FBN2: variants seen among roughly 807,000 people sequenced by gnomAD.
The protein encoded by FBN2 is fibrillin-2.
FBN2 carries 105 observed loss-of-function variants against 355.6 expected under a neutral mutation model. The observed-to-expected ratio is 0.30, with a 90% CI of 0.25 to 0.35. The LOEUF (loss-of-function observed/expected upper bound fraction) is 0.35. Ranked by LOEUF, FBN2 falls within the 10% of genes least tolerant of loss-of-function variation. The probability of loss-of-function intolerance (pLI) is 1.00; values close to 1 mark genes in which losing one functional copy is unlikely to be tolerated. For synonymous variants in FBN2, 1,350 were observed against 1,301.2 expected, an observed-to-expected ratio of 1.04 and a Z score of -0.81; for missense variants, 3,280 against 3,758.7, an observed-to-expected ratio of 0.87 and a Z score of 3.33.
intron 5 of FBN2, among the ~76,000 whole-genome samples, chr5:128,485,182 C>T (rs1351468826): frequency 6.6e-6 from 1 of 152,020 alleles, no homozygotes; most frequent in Non-Finnish European, 1.5e-5. Flanking sequence ...AGACACCATG[C>T]ACAGCTAATT....
chr5:128,429,124 C>A (rs2127027657), intron 7 of FBN2, among the ~76,000 whole-genome samples: 1 of 152,280 alleles, frequency 6.6e-6, no homozygotes, highest in African/African-American at 2.4e-5. Context: ...CGCAGAACAG[C>A]CTTTCCAGGT....
chr5:128,486,234 A>G (rs2127117769), intron 5 of FBN2, among the ~76,000 whole-genome samples: 1 of 152,320 alleles, frequency 6.6e-6, no homozygotes, highest in South Asian at 2.1e-4. Context: ...TTATAAATGC[A>G]GACGCCTTAA....
chr5:128,524,762 G>C (rs1756520025), intron 4 of FBN2, among the ~76,000 whole-genome samples: 2 of 151,972 alleles, frequency 1.3e-5, no homozygotes, highest in African/African-American at 2.4e-5. Context: ...CTTCTTACTT[G>C]CTGACAAATA....
chr5:128,504,805 G>A (rs934127319), intron 5 of FBN2, among the ~76,000 whole-genome samples: 2 of 152,190 alleles, frequency 1.3e-5, no homozygotes, highest in Non-Finnish European at 2.9e-5. Flanking sequence ...TGTTGGGAAG[G>A]CATGATTGTG....
chr5:128,372,102 T>C (rs1751959910), intron 15 of FBN2, among the ~76,000 whole-genome samples: 2 of 152,228 alleles, frequency 1.3e-5, no homozygotes, highest in Non-Finnish European at 2.9e-5. Context: ...TTCAAAGCTT[T>C]ATTTAATTCT....
intron 30 of FBN2, 94 bp downstream of exon 30, chr5:128,335,076 A>C (rs1750798682): frequency 6.4e-7 from 1 of 1,551,348 alleles, no homozygotes; most frequent in South Asian, 1.1e-5. Context: ...TAAAATAACA[A>C]CAGAAAAAGC....
intron 48 of FBN2, among the ~76,000 whole-genome samples, chr5:128,296,853 T>C (rs1259968796): frequency 2.0e-5 from 3 of 151,560 alleles, no homozygotes; most frequent in Admixed American, 6.6e-5. Context: ...TCTGCTCTGA[T>C]TTTAGTTATT....
chr5:128,483,164 A>C (rs574633289), intron 5 of FBN2, among the ~76,000 whole-genome samples: 61 of 152,250 alleles, frequency 4.0e-4, no homozygotes, highest in Non-Finnish European at 2.5e-4. Flanking sequence ...CTAATAGATG[A>C]GGGAGGAAGG....
At chr5:128,310,386 ATATATATATATATATATTTTTTTTT>A (rs1750008266) in intron 39 of FBN2, among the ~76,000 whole-genome samples, 1 of 31,452 alleles carries the variant, frequency 3.2e-5, no homozygotes. Flanking sequence ...ATATATATAT[ATATATATATATATATATTTTTTTTT>A]TTTTTTTTTT....
intron 19 of FBN2, among the ~76,000 whole-genome samples, chr5:128,358,330 T>C (rs999694323): frequency 1.3e-5 from 2 of 152,134 alleles, no homozygotes; most frequent in Non-Finnish European, 2.9e-5. Context: ...TACTAAATTA[T>C]CTGAAAGAGG....
chr5:128,290,150 C>T (rs1157770366), intron 50 of FBN2, among the ~76,000 whole-genome samples: 1 of 152,178 alleles, frequency 6.6e-6, no homozygotes, highest in Non-Finnish European at 1.5e-5. Flanking sequence ...CTGCTCAGTG[C>T]TCCTGGTTCT....
chr5:128,522,016 T>C (rs1269830220), intron 4 of FBN2, among the ~76,000 whole-genome samples: 1 of 152,196 alleles, frequency 6.6e-6, no homozygotes, highest in East Asian at 1.9e-4. Context: ...TTATTTTTAA[T>C]GAATCAATAA....
In FBN2 at chr5:128,263,558, C is replaced by T. The variant is rs755599061; in HGVS notation, c.8059G>A (p.Asp2687Asn). 7.4e-6 allele frequency: 12 copies of T among 1,613,914 alleles called. No homozygotes were observed. Among genetic ancestry groups the T allele is most frequent in the East Asian group, 2.2e-5 (1 of 44,878 alleles). The change falls in exon 63 of 65, where the codon GAC (aspartate) becomes AAC (asparagine). Residue 2687 changes from aspartate to asparagine, a missense_variant. This residue lies in a region of FBN2 where 311 missense variants were observed against 319.1 expected (regional missense o/e 0.97). Coordinates refer to ENST00000262464, the MANE Select transcript of FBN2 (RefSeq NM_001999.4). Reference protein sequence around the residue: ...KCACPSGFSFDQFSSACHDVN... With the variant: ...KCACPSGFSFNQFSSACHDVN... ...TCGTGGCAGGCACTGGAGAACTGGT[C>T]GAAGGAGAACCCCGAGGGGCAGGCG...
intron 7 of FBN2, among the ~76,000 whole-genome samples, chr5:128,434,406 A>ATGTATG (rs1344667744): frequency 9.5e-6 from 1 of 105,162 alleles, no homozygotes; most frequent in African/African-American, 3.7e-5. Context: ...ATATATATAT[A>ATGTATG]TATATATATA....
intron 34 of FBN2, among the ~76,000 whole-genome samples, chr5:128,322,560 G>T (rs1388186077): frequency 6.6e-6 from 1 of 151,976 alleles, no homozygotes; most frequent in Non-Finnish European, 1.5e-5. Flanking sequence ...CCCATTGCTT[G>T]TTTTTTTCAG....
chr5:128,318,021 T>C, intron 36 of FBN2, 128 bp downstream of exon 36: 1 of 988,880 alleles, frequency 1.0e-6, no homozygotes, highest in Non-Finnish European at 1.6e-6. Context: ...AGAAACACAA[T>C]AAAGGCGACC....
chr5:128,284,124 A>T (rs1019763898), intron 55 of FBN2, among the ~76,000 whole-genome samples: 15 of 152,336 alleles, frequency 9.8e-5, no homozygotes, highest in African/African-American at 3.6e-4. Context: ...TATCTTTAAA[A>T]ATGTGTAAAA....
intron 5 of FBN2, among the ~76,000 whole-genome samples, chr5:128,479,407 A>G (rs1203759817): frequency 2.0e-5 from 3 of 152,182 alleles, no homozygotes; most frequent in Non-Finnish European, 2.9e-5. Flanking sequence ...ATACACACAT[A>G]TATGTACGTA....
chr5:128,265,345 A>G (rs944966901), intron 62 of FBN2, among the ~76,000 whole-genome samples: 7 of 152,226 alleles, frequency 4.6e-5, no homozygotes, highest in African/African-American at 1.4e-4. Context: ...TTAACTGAAT[A>G]AATTATATTT....
Sources: allele counts gnomAD v4.1 joint callset (sites outside exome capture counted in the v4.1 genomes callset), GRCh38; gene constraint gnomAD v4.1.1; regional missense constraint gnomAD v4.1.1; transcripts MANE v1.5; gene names NCBI Gene and HGNC (gene_info 2026-07-23, HGNC 2026-07-21).